Variants in PPM1H observed in about 807,000 individuals in gnomAD.
PPM1H encodes the protein protein phosphatase, Mg2+/Mn2+ dependent 1H.
A neutral mutation model predicts 54.9 loss-of-function variants in PPM1H; 27 were observed. The observed-to-expected ratio is 0.49, with a 90% confidence interval of 0.36 to 0.68. The LOEUF (loss-of-function observed/expected upper bound fraction) is 0.68. Among genes scored for constraint, PPM1H ranks in the 30% least tolerant of loss-of-function variants. PPM1H has a pLI of 0.00. For synonymous variants in PPM1H, 305 were observed against 270.8 expected (o/e 1.13, Z -1.24); for missense variants, 596 against 667.8 (o/e 0.89, Z 1.19).
intron 9 of PPM1H, among the ~76,000 whole-genome samples, chr12:62,665,260 G>A (rs1179844959): frequency 1.3e-5 from 2 of 152,096 alleles, no homozygotes; most frequent in Non-Finnish European, 2.9e-5. Context: ...TGTTGGCTAG[G>A]CTGGTCTTGA....
chr12:62,830,316 C>T lies in PPM1H; in HGVS notation c.411+1798G>A, dbSNP rs561025811. Among the ~76,000 whole-genome samples, 15 of 151,812 alleles carry T rather than the reference C, an allele frequency of 9.9e-5. No homozygotes were observed. In the East Asian group the frequency reaches 1.9e-3, roughly 20 times the overall value. On this transcript the variant is annotated intron_variant, in intron 2 of 9. Coordinates refer to ENST00000228705, the MANE Select transcript of PPM1H (RefSeq NM_020700.2). ...TGTCACCCAGGCTGGAGTGCAGTGG[C>T]GTGATCTCAGCTCACTGCAAGCTCT... is the stretch of plus-strand genomic sequence containing the variant.
At position 62,708,952 on chromosome 12, in the gene PPM1H, A is replaced by G. The variant is rs191610046; in HGVS notation, c.1073+11219T>C. Among the ~76,000 whole-genome samples, 17 of 152,204 alleles carry G rather than the reference A, an allele frequency of 1.1e-4. No homozygotes were observed. The East Asian group carries it at 2.7e-3, about 24-fold the overall frequency. On this transcript the variant is annotated intron_variant, in intron 6 of 9. Coordinates refer to ENST00000228705, the MANE Select transcript of PPM1H (RefSeq NM_020700.2). ...TATTTCTGCCTTGTGTGTAATTTTC[A>G]TACGTCATATTCCACCCTTAAGGTG...
At chr12:62,672,954 A>T (rs1346829241) in intron 8 of PPM1H, among the ~76,000 whole-genome samples, 1 of 152,194 alleles carries the variant, frequency 6.6e-6, no homozygotes, top group Non-Finnish European at 1.5e-5. Context: ...AACAAATTAA[A>T]CATACAAGAT....
chr12:62,868,083 T>G (rs1869847985), intron 1 of PPM1H, among the ~76,000 whole-genome samples: 1 of 152,298 alleles, frequency 6.6e-6, no homozygotes, highest in African/African-American at 2.4e-5. Context: ...ACCAAAAGGC[T>G]GCCAAATGCA....
chr12:62,801,900 C>A lies in PPM1H; in HGVS notation c.672G>T (p.Thr224=). Residue 224 remains threonine (T), a synonymous_variant, in exon 3 of 10, where the codon ACG becomes ACT. Coordinates refer to ENST00000228705, the MANE Select transcript of PPM1H (RefSeq NM_020700.2). The part of the protein sequence containing the change: ...GGVGAPGSPS[T]PPTRFFTEKK... ...TCTCGGTAAAGAAGCGTGTGGGGGGCGTGCTGGGGGAGCCCGGGGCCCCCA... is the reference window on the plus strand; with the variant it reads ...TCTCGGTAAAGAAGCGTGTGGGGGGAGTGCTGGGGGAGCCCGGGGCCCCCA... 9.9e-6 allele frequency: 16 copies of A among 1,613,696 alleles called. No homozygotes were observed. Among genetic ancestry groups the A allele is most frequent in the Non-Finnish European group, 1.4e-5 (16 of 1,179,738 alleles).
intron 6 of PPM1H, among the ~76,000 whole-genome samples, chr12:62,710,915 C>T (rs1474868801): frequency 6.6e-6 from 1 of 152,246 alleles, no homozygotes; most frequent in Non-Finnish European, 1.5e-5. Flanking sequence ...ATTAGAAACT[C>T]ATCACGCGCT....
Position 62,720,086 on chromosome 12 carries a change from A to G in PPM1H, c.1073+85T>C, listed in dbSNP as rs183637096. On this transcript the variant is annotated intron_variant, in intron 6 of 9. Coordinates refer to ENST00000228705, the MANE Select transcript of PPM1H (RefSeq NM_020700.2). ...GGTCTCTGGCTGTGCTTCCTGATCC[A>G]AACTGTGTAACTGGCTGTTTATGGT... The G allele has an allele frequency of 9.8e-4, 1,198 of 1,219,154 alleles. 15 individuals carry two copies. In the Admixed American group the frequency reaches 0.02, roughly 20 times the overall value. 75.5% of individuals were successfully genotyped at this position (1,219,154 alleles called of 1,614,324 possible). A position where few individuals can be genotyped will look rare whatever the true frequency, so the allele number is the denominator to read the frequency against.
Position 62,644,971 on chromosome 12 carries a change from G to A in PPM1H, c.*3518C>T, listed in dbSNP as rs534048461. On this transcript the variant is annotated 3_prime_UTR_variant, in exon 10 of 10. Transcript: ENST00000228705. Reference sequence around the variant, plus strand: ...TTAACATATTCACTCTGAAAACAGCGGAGCTGCTGGGTCGCTTAAGGAAAG... The same window carrying A: ...TTAACATATTCACTCTGAAAACAGCAGAGCTGCTGGGTCGCTTAAGGAAAG... 5.3e-5 allele frequency: 8 copies of A among 152,308 alleles called. No individual in the cohort carries two copies. Among genetic ancestry groups the A allele is most frequent in the South Asian group, 4.1e-4 (2 of 4,824 alleles). The allele number at this position is 152,308 out of a possible 1,614,324, so 9.4% of individuals were successfully genotyped here.
chr12:62,878,462 T>G (rs12317606), intron 1 of PPM1H, among the ~76,000 whole-genome samples: 1,574 of 151,864 alleles, frequency 0.01, 26 homozygotes, highest in African/African-American at 0.036. Flanking sequence ...TTTTGCTAAT[T>G]TTAGTTTTTA....
At chr12:62,661,405 CTTTT>C (rs1226765286) in intron 9 of PPM1H, among the ~76,000 whole-genome samples, 1 of 152,068 alleles carries the variant, frequency 6.6e-6, no homozygotes, top group Admixed American at 6.6e-5. Flanking sequence ...AGTTCCTTTT[CTTTT>C]TTATTTTTTG....
At chr12:62,717,796 G>C (rs1158033125) in intron 6 of PPM1H, among the ~76,000 whole-genome samples, 4 of 152,186 alleles carry the variant, frequency 2.6e-5, no homozygotes, top group Non-Finnish European at 5.9e-5. Flanking sequence ...TACAGCCTTT[G>C]AAAGCATCTG....
chr12:62,835,889 T>C (rs1868488361), intron 1 of PPM1H, among the ~76,000 whole-genome samples: 1 of 152,230 alleles, frequency 6.6e-6, no homozygotes. Flanking sequence ...ACTTCAAAGG[T>C]AAATGCTTTG....
chr12:62,851,429 G>A (rs947732201), intron 1 of PPM1H, among the ~76,000 whole-genome samples: 13 of 152,232 alleles, frequency 8.5e-5, no homozygotes, highest in Admixed American at 3.9e-4. Flanking sequence ...AGGGCTGGGC[G>A]CAGTGGCTCA....
chr12:62,834,711 G>C (rs1023122092), intron 1 of PPM1H, among the ~76,000 whole-genome samples: 2 of 152,266 alleles, frequency 1.3e-5, no homozygotes, highest in African/African-American at 2.4e-5. Flanking sequence ...CAAGTCACTG[G>C]GGGGGCCTGC....
At position 62,665,926 on chromosome 12, in the gene PPM1H, A is replaced by G. The variant is rs2075915455; in HGVS notation, c.1397+1252T>C. Reference sequence around the variant, plus strand: ...CTAATTTTTGTAAAGATGGGGTTTCACCATGTTTCCCAGGCTTGTCTTAAA... The same window carrying G: ...CTAATTTTTGTAAAGATGGGGTTTCGCCATGTTTCCCAGGCTTGTCTTAAA... On this transcript the variant is annotated intron_variant, in intron 9 of 9. Coordinates refer to ENST00000228705, the MANE Select transcript of PPM1H (RefSeq NM_020700.2). Among the ~76,000 whole-genome samples, 3 of 152,040 alleles carry G rather than the reference A, an allele frequency of 2.0e-5. No homozygotes were observed. In the South Asian group the frequency reaches 6.2e-4, roughly 32 times the overall value.
At chr12:62,898,603 ACTGT>A (rs1198783857) in intron 1 of PPM1H, among the ~76,000 whole-genome samples, 1 of 152,212 alleles carries the variant, frequency 6.6e-6, no homozygotes, top group Non-Finnish European at 1.5e-5. Flanking sequence ...TTGCTAAGAG[ACTGT>A]CTTTTTCAGG....
At chr12:62,770,199 T>C (rs972273455) in intron 4 of PPM1H, among the ~76,000 whole-genome samples, 3 of 152,124 alleles carry the variant, frequency 2.0e-5, no homozygotes, top group African/African-American at 7.2e-5. Context: ...AATAAAACAC[T>C]TATTGAGCAT....
chr12:62,725,197 CT>C (rs2076283555), intron 5 of PPM1H, among the ~76,000 whole-genome samples: 1 of 152,220 alleles, frequency 6.6e-6, no homozygotes, highest in African/African-American at 2.4e-5. Context: ...TTAACAAGCC[CT>C]TCACTTTTCT....
chr12:62,807,193 C>T (rs2076809766), intron 2 of PPM1H, among the ~76,000 whole-genome samples: 1 of 152,136 alleles, frequency 6.6e-6, no homozygotes, highest in Admixed American at 6.5e-5. Context: ...TCAATATTTA[C>T]AGGACACATG....
Sources: gnomAD v4.1 joint callset for allele counts (sites outside exome capture counted in the v4.1 genomes callset) on GRCh38, gnomAD v4.1.1 for gene constraint, MANE v1.5 for transcripts, NCBI Gene and HGNC (gene_info 2026-07-23, HGNC 2026-07-21) for gene names.